The following FBXO34 variants were observed in gnomAD, a reference collection of about 807,000 sequenced individuals.
The protein encoded by FBXO34 is F-box only protein 34.
A neutral mutation model predicts 24.5 loss-of-function variants in FBXO34; 12 were observed. The ratio of observed to expected loss-of-function variants is 0.49; its 90% CI spans 0.31 to 0.79. FBXO34 has a LOEUF of 0.79. Ranked by LOEUF, FBXO34 falls within the 30% of genes least tolerant of loss-of-function variation. The pLI is 0.04. For missense variants in FBXO34, 823 were observed against 857.7 expected (o/e 0.96, Z 0.51); for synonymous variants, 320 against 311.9 (o/e 1.03, Z -0.27).
chr14:55,321,963 A>G (rs952132637), intron 1 of FBXO34, among the ~76,000 whole-genome samples: 3 of 152,194 alleles, frequency 2.0e-5, no homozygotes, highest in South Asian at 2.1e-4. Flanking sequence ...TTCAAACCAC[A>G]TTGAAATAGC....
chr14:55,413,605 C>T, the FBXO34 span: 1 of 445,824 alleles, frequency 2.2e-6, no homozygotes, highest in South Asian at 1.9e-5. Flanking sequence ...AGGCTCCCTC[C>T]ATTGGTTCTA....
At chr14:55,340,174 T>TACAC in intron 1 of FBXO34, among the ~76,000 whole-genome samples, 1 of 152,136 alleles carries the variant, frequency 6.6e-6, no homozygotes, top group Non-Finnish European at 1.5e-5. Flanking sequence ...TACGGGGGTG[T>TACAC]GCCACTGTGC....
chr14:55,337,542 C>CT, intron 1 of FBXO34, among the ~76,000 whole-genome samples: 1 of 152,160 alleles, frequency 6.6e-6, no homozygotes, highest in East Asian at 1.9e-4. Flanking sequence ...ATGATGGCTG[C>CT]TTTTATTGCT....
chr14:55,309,791 A>G (rs1179800111), intron 1 of FBXO34, among the ~76,000 whole-genome samples: 1 of 152,216 alleles, frequency 6.6e-6, no homozygotes, highest in East Asian at 1.9e-4. Context: ...AGAAATACAT[A>G]CAAAACTCAG....
the FBXO34 span, among the ~76,000 whole-genome samples, chr14:55,383,861 G>T: frequency 6.6e-6 from 1 of 152,210 alleles, no homozygotes. Flanking sequence ...GGTCAGTGTG[G>T]CTGGTGTGTG....
chr14:55,341,425 A>G (rs1274998026), intron 1 of FBXO34, among the ~76,000 whole-genome samples: 1 of 152,216 alleles, frequency 6.6e-6, no homozygotes, highest in Non-Finnish European at 1.5e-5. Flanking sequence ...TCTTTGTCAT[A>G]TGGAAAAATG....
At chr14:55,388,905 C>T in the FBXO34 span, among the ~76,000 whole-genome samples, 1 of 152,016 alleles carries the variant, frequency 6.6e-6, no homozygotes, top group Non-Finnish European at 1.5e-5. Flanking sequence ...GTTAACCAGT[C>T]ATGATGAGAG....
chr14:55,429,245 G>A, the FBXO34 span, among the ~76,000 whole-genome samples: 1 of 152,148 alleles, frequency 6.6e-6, no homozygotes, highest in Non-Finnish European at 1.5e-5. Context: ...TTTTACTTGG[G>A]TGTTATTTGC....
chr14:55,294,304 A>AT (rs60613884), intron 1 of FBXO34, among the ~76,000 whole-genome samples: 46,146 of 151,442 alleles, frequency 0.3, 7,300 homozygotes, highest in Non-Finnish European at 0.34. Flanking sequence ...AATTATTATT[A>AT]TTTTTTTTGA....
chr14:55,285,907 C>G (rs977842473), intron 1 of FBXO34, among the ~76,000 whole-genome samples: 3 of 152,110 alleles, frequency 2.0e-5, no homozygotes, highest in African/African-American at 7.2e-5. Flanking sequence ...TTGCATAAGT[C>G]CCTTAAGGAG....
chr14:55,371,651 A>G (rs1030257519), downstream of FBXO34, among the ~76,000 whole-genome samples: 15 of 152,208 alleles, frequency 9.9e-5, no homozygotes, highest in East Asian at 7.7e-4. Flanking sequence ...AAAAATACAA[A>G]AAATTAGCTG....
the FBXO34 span, among the ~76,000 whole-genome samples, chr14:55,391,472 A>T: frequency 7.7e-5 from 8 of 103,478 alleles, no homozygotes; most frequent in South Asian, 2.9e-4. Context: ...GAGACTCCAT[A>T]AAAAAAAAAA....
the FBXO34 span, chr14:55,414,148 TA>T: frequency 1.9e-6 from 1 of 513,034 alleles, no homozygotes; most frequent in Non-Finnish European, 3.5e-6. Context: ...AGTGAGACCC[TA>T]AATCTCTCAA....
the FBXO34 span, chr14:55,385,982 A>G: frequency 6.2e-7 from 1 of 1,614,114 alleles, no homozygotes; most frequent in African/African-American, 1.3e-5. Flanking sequence ...TTTTTCTACC[A>G]GGTCACCAAG....
intron 1 of FBXO34, among the ~76,000 whole-genome samples, chr14:55,311,855 G>A (rs1882753056): frequency 6.6e-6 from 1 of 151,340 alleles, no homozygotes; most frequent in African/African-American, 2.4e-5. Flanking sequence ...AGCCTCCCAA[G>A]TAGCTGAGAT....
the FBXO34 span, chr14:55,413,658 C>G: frequency 2.6e-6 from 1 of 383,958 alleles, no homozygotes; most frequent in Non-Finnish European, 5.0e-6. Flanking sequence ...CAGTTGAACT[C>G]AGACACCTCT....
chr14:55,315,226 T>C (rs1237320854), intron 1 of FBXO34, among the ~76,000 whole-genome samples: 1 of 152,248 alleles, frequency 6.6e-6, no homozygotes, highest in Non-Finnish European at 1.5e-5. Flanking sequence ...TTTATGTTTT[T>C]CTTTATTGTT....
At chr14:55,394,817 T>C in the FBXO34 span, 1 of 302,572 alleles carries the variant, frequency 3.3e-6, no homozygotes, top group Non-Finnish European at 6.4e-6. Context: ...TATTATAGGA[T>C]ATAAAAACTA....
chr14:55,430,722 T>C, the FBXO34 span, among the ~76,000 whole-genome samples: 8 of 152,212 alleles, frequency 5.3e-5, no homozygotes, highest in Non-Finnish European at 7.3e-5. Flanking sequence ...ATCTACTCAC[T>C]AGATTGACTA....
Sources: allele counts gnomAD v4.1 joint callset (sites outside exome capture counted in the v4.1 genomes callset), GRCh38; gene constraint gnomAD v4.1.1; transcripts MANE v1.5; gene names NCBI Gene and HGNC (gene_info 2026-07-23, HGNC 2026-07-21).